DNAH9: variants seen among roughly 807,000 people sequenced by gnomAD.
The protein encoded by DNAH9 is DNAH9 variant protein.
A neutral mutation model predicts 471.6 loss-of-function variants in DNAH9; 345 were observed. That is an observed-to-expected ratio of 0.73 (90% CI 0.67 to 0.80). The LOEUF (loss-of-function observed/expected upper bound fraction) is 0.80. Among genes scored for constraint, DNAH9 ranks in the 30% least tolerant of loss-of-function variants. The pLI, the probability that DNAH9 is intolerant of heterozygous loss-of-function variation, is 0.00. For synonymous variants in DNAH9, 2,093 were observed against 2,123.6 expected (o/e 0.99, Z 0.40); for missense variants, 5,407 against 5,609.2 (o/e 0.96, Z 1.15).
Position 11,598,588 on chromosome 17 carries a change from C to A in DNAH9, c.90C>A (p.Thr30=). ...ACCGACGACTGCGACTCCTGGGGAC[C>A]TACGTGGCCATGAGCCTGCGGCCGG... ...GADRRLRLLG[T]YVAMSLRPAA... The change falls in exon 1 of 69, where the codon ACC becomes ACA. Residue 30 remains threonine (T), a synonymous_variant. Coordinates refer to ENST00000262442, the MANE Select transcript of DNAH9 (RefSeq NM_001372.4). 7.5e-7 allele frequency: 1 copy of A among 1,329,342 alleles called. No individual in the cohort carries two copies. The highest frequency in any genetic ancestry group is 9.7e-7 in the Non-Finnish European group (1 of 1,030,280). 82.3% of individuals were successfully genotyped at this position (1,329,342 alleles called of 1,614,324 possible).
At chr17:11,621,104 G>A (rs1230669475) in intron 6 of DNAH9, among the ~76,000 whole-genome samples, 1 of 152,040 alleles carries the variant, frequency 6.6e-6, no homozygotes, top group African/African-American at 2.4e-5. Context: ...GAAATTCAGG[G>A]TTGAGTTTAA....
intron 48 of DNAH9, among the ~76,000 whole-genome samples, chr17:11,826,725 G>A (rs1429090802): frequency 2.0e-5 from 3 of 151,350 alleles, no homozygotes; most frequent in Non-Finnish European, 4.4e-5. Flanking sequence ...GCGTCCCAAA[G>A]TGCTGGGATT....
chr17:11,873,537 T>G (rs1478142480), intron 52 of DNAH9: 1 of 152,174 alleles, frequency 6.6e-6, no homozygotes, highest in East Asian at 1.9e-4. Context: ...GAGGTTTCCC[T>G]GGGATAATTG....
At chr17:11,950,652 C>T (rs992062445) in intron 67 of DNAH9, among the ~76,000 whole-genome samples, 3 of 152,064 alleles carry the variant, frequency 2.0e-5, no homozygotes, top group Non-Finnish European at 4.4e-5. Flanking sequence ...AGGCATGAGC[C>T]ACTGTGCCTG....
At chr17:11,785,654 G>C (rs1195868749) in intron 41 of DNAH9, among the ~76,000 whole-genome samples, 7 of 152,234 alleles carry the variant, frequency 4.6e-5, no homozygotes, top group Non-Finnish European at 1.0e-4. Context: ...GCTAGTTCAG[G>C]ATACCACTCC....
Position 11,640,488 on chromosome 17 carries a change from T to C in DNAH9, c.1901+104T>C. Reference sequence around the variant, plus strand: ...AACCTGCTTAACGAAGGCCAGAAAATCATCTTCCTTTCTTTCCATTTCCAG... The same window carrying C: ...AACCTGCTTAACGAAGGCCAGAAAACCATCTTCCTTTCTTTCCATTTCCAG... On this transcript the variant is annotated intron_variant, in intron 10 of 68. Transcript: ENST00000262442. 4 of 806,000 alleles carry C rather than the reference T, an allele frequency of 5.0e-6. No individual in the cohort carries two copies. The Admixed American group carries it at 8.1e-5, about 16-fold the overall frequency. The allele number at this position is 806,000 out of a possible 1,614,324, so 49.9% of individuals were successfully genotyped here. A position where few individuals can be genotyped will look rare whatever the true frequency, so the allele number is the denominator to read the frequency against.
chr17:11,890,730 A>ACC (rs1973022418), intron 57 of DNAH9, among the ~76,000 whole-genome samples: 3 of 152,032 alleles, frequency 2.0e-5, no homozygotes, highest in African/African-American at 7.2e-5. Flanking sequence ...TTATTTTGAG[A>ACC]CAGGGTCTCA....
chr17:11,601,091 C>G (rs2072376472), intron 1 of DNAH9, among the ~76,000 whole-genome samples: 1 of 152,164 alleles, frequency 6.6e-6, no homozygotes, highest in South Asian at 2.1e-4. Context: ...GCATAATGTC[C>G]TCAAGGTTCA....
chr17:11,843,863 G>GTGTGTGTGTGTGTGTATATATA (rs1253794533), intron 49 of DNAH9, among the ~76,000 whole-genome samples: 10 of 46,464 alleles, frequency 2.2e-4, no homozygotes, highest in East Asian at 3.8e-4. Context: ...GTGTGTGTGT[G>GTGTGTGTGTGTGTGTATATATA]TATATATATA....
chr17:11,854,483 C>T, intron 50 of DNAH9, 55 bp downstream of exon 50: 1 of 1,536,042 alleles, frequency 6.5e-7, no homozygotes, highest in Non-Finnish European at 8.8e-7. Context: ...ACAAACAACG[C>T]TCTTCAGACA....
Position 11,749,274 on chromosome 17 carries a change from C to T in DNAH9, c.6610+1508C>T, listed in dbSNP as rs539153440. On this transcript the variant is annotated intron_variant, in intron 32 of 68. Coordinates refer to ENST00000262442, the MANE Select transcript of DNAH9 (RefSeq NM_001372.4). ...TAATTTTTTGTATTTTTAGTAGAGA[C>T]AGGGTTTCACCGTGTCAGCCAGGAT... Among the ~76,000 whole-genome samples the T allele has an allele frequency of 2.8e-3, 428 of 151,494 alleles. 3 individuals carry two copies. Among genetic ancestry groups the T allele is most frequent in the African/African-American group, 9.5e-3 (391 of 41,296 alleles).
intron 6 of DNAH9, 48 bp from the exon 7 acceptor site, chr17:11,629,369 A>G: frequency 6.4e-7 from 1 of 1,552,316 alleles, no homozygotes; most frequent in Non-Finnish European, 8.8e-7. Flanking sequence ...TGTCCTTGCG[A>G]TAGTTTGCTG....
chr17:11,912,747 C>T (rs1973829614), intron 61 of DNAH9, among the ~76,000 whole-genome samples: 1 of 152,180 alleles, frequency 6.6e-6, no homozygotes, highest in Non-Finnish European at 1.5e-5. Flanking sequence ...TGTATATTCA[C>T]AAGGTATATT....
At chr17:11,599,850 A>G (rs959605779) in intron 1 of DNAH9, among the ~76,000 whole-genome samples, 9 of 152,188 alleles carry the variant, frequency 5.9e-5, no homozygotes, top group Admixed American at 5.2e-4. Context: ...CCAAAGAACT[A>G]TTCCCACCCA....
intron 27 of DNAH9, among the ~76,000 whole-genome samples, chr17:11,721,656 G>A (rs1169474860): frequency 6.6e-6 from 1 of 152,034 alleles, no homozygotes; most frequent in Non-Finnish European, 1.5e-5. Context: ...AGGATAGATG[G>A]TAGATGGATT....
chr17:11,636,769 G>C lies in DNAH9; in HGVS notation c.1771G>C (p.Glu591Gln). 6.2e-7 allele frequency: 1 copy of C among 1,614,098 alleles called. No homozygotes were observed. Among genetic ancestry groups the C allele is most frequent in the Non-Finnish European group, 8.5e-7 (1 of 1,179,996 alleles). ...VRMIYSQHVQ[E>Q]EAELGFSPVH... ...GATGATCTACAGTCAGCACGTCCAG[G>C]AGGAAGCAGAACTTGGTAGGCTTGT... is the stretch of plus-strand genomic sequence containing the variant. The change falls in exon 9 of 69, where the codon GAG becomes CAG. Residue 591 changes from glutamate (E) to glutamine (Q), a missense_variant. Around this residue, in one of 3 missense-constraint regions of DNAH9, gnomAD observed 4,636 missense variants for 4,900.3 expected, o/e 0.95. Transcript: ENST00000262442.
In DNAH9 at chr17:11,861,851, T is replaced by C. The variant is rs1229799207; in HGVS notation, c.9934-7283T>C. ...TTGAGAAGTGTCTGTTCATGTCCTT[T>C]GCCCACTTTTTGATGGGGTTGTTTT... is the stretch of plus-strand genomic sequence containing the variant. On this transcript the variant is annotated intron_variant, in intron 50 of 68. Transcript: ENST00000262442. Among the ~76,000 whole-genome samples the C allele has an allele frequency of 4.5e-4, 68 of 151,172 alleles. 1 individual carries two copies. The highest frequency in any genetic ancestry group is 5.8e-4 in the East Asian group (3 of 5,138).
In DNAH9 at chr17:11,933,932, A is replaced by G. The variant is rs567363749; in HGVS notation, c.12350A>G (p.His4117Arg). 2 of 1,614,158 alleles carry G rather than the reference A, an allele frequency of 1.2e-6. No individual in the cohort carries two copies. Among genetic ancestry groups the G allele is most frequent in the Admixed American group, 1.7e-5 (1 of 60,022 alleles). ...YLFGEIMYGGHITDDWDRRLC... is the reference protein window; with the variant it reads ...YLFGEIMYGGRITDDWDRRLC... ...TTTGGAGAGATCATGTATGGAGGCC[A>G]TATCACAGATGACTGGGACAGAAGA... is the stretch of plus-strand genomic sequence containing the variant. Residue 4117 changes from histidine to arginine, a missense_variant, in exon 65 of 69, where the codon CAT becomes CGT. Around this residue, in one of 3 missense-constraint regions of DNAH9, gnomAD observed 4,636 missense variants for 4,900.3 expected, o/e 0.95. Transcript: ENST00000262442.
At chr17:11,787,241 G>A (rs1291005741) in intron 41 of DNAH9, among the ~76,000 whole-genome samples, 1 of 152,202 alleles carries the variant, frequency 6.6e-6, no homozygotes, top group Non-Finnish European at 1.5e-5. Flanking sequence ...CACAGAAACA[G>A]CTGGATTGGT....
Sources: gnomAD v4.1 joint callset for allele counts (sites outside exome capture counted in the v4.1 genomes callset) on GRCh38, gnomAD v4.1.1 for gene constraint, gnomAD v4.1.1 regional missense constraint, MANE v1.5 for transcripts, NCBI Gene and HGNC (gene_info 2026-07-23, HGNC 2026-07-21) for gene names.